Variants in PKIB observed in about 807,000 individuals in gnomAD.
PKIB encodes PKI-beta.
A neutral mutation model predicts 4.5 loss-of-function variants in PKIB; 2 were observed. The ratio of observed to expected loss-of-function variants is 0.44; its 90% confidence interval spans 0.18 to 1.39. The LOEUF is 1.39. PKIB is among the 40% of genes most tolerant of loss of function. PKIB has a pLI of 0.27. For synonymous variants in PKIB, 38 were observed against 36.0 expected (o/e 1.06, Z -0.20); for missense variants, 94 against 92.6 (o/e 1.02, Z -0.06).
chr6:122,520,924 G>T (rs6902229), intron 2 of PKIB, among the ~76,000 whole-genome samples: 1 of 152,180 alleles, frequency 6.6e-6, no homozygotes, highest in East Asian at 1.9e-4. Flanking sequence ...CCTGCAAAAA[G>T]TTGTTGAAAT....
intron 2 of PKIB, among the ~76,000 whole-genome samples, chr6:122,645,052 CTGTT>C (rs1196997260): frequency 6.6e-6 from 1 of 152,110 alleles, no homozygotes; most frequent in Non-Finnish European, 1.5e-5. Flanking sequence ...AGATGGCAGA[CTGTT>C]TGGAAAGCTG....
chr6:122,539,792 C>T (rs1445356800), intron 2 of PKIB, among the ~76,000 whole-genome samples: 3 of 152,012 alleles, frequency 2.0e-5, no homozygotes, highest in Non-Finnish European at 4.4e-5. Context: ...TAGAATTCGG[C>T]TGTGAATCCA....
chr6:122,503,439 A>G (rs1776305056), intron 2 of PKIB, among the ~76,000 whole-genome samples: 1 of 152,234 alleles, frequency 6.6e-6, no homozygotes, highest in Non-Finnish European at 1.5e-5. Flanking sequence ...TTAAAACTCA[A>G]TTCAAACTGG....
chr6:122,619,047 T>G (rs1463194249), intron 1 of PKIB, among the ~76,000 whole-genome samples: 3 of 152,170 alleles, frequency 2.0e-5, no homozygotes, highest in Non-Finnish European at 4.4e-5. Context: ...TTTTTAGTTA[T>G]TTTTATGAAT....
intron 3 of PKIB, among the ~76,000 whole-genome samples, chr6:122,701,992 A>C (rs1226749035): frequency 1.3e-5 from 2 of 152,176 alleles, no homozygotes; most frequent in Non-Finnish European, 2.9e-5. Flanking sequence ...TAACCAGAAT[A>C]AGACTTGGAT....
At chr6:122,679,993 C>T (rs1315645377) in intron 3 of PKIB, among the ~76,000 whole-genome samples, 1 of 152,176 alleles carries the variant, frequency 6.6e-6, no homozygotes, top group Non-Finnish European at 1.5e-5. Flanking sequence ...TAGCACTCTG[C>T]TTTCTTTTTT....
At chr6:122,651,309 T>C (rs1776544658) in intron 2 of PKIB, among the ~76,000 whole-genome samples, 1 of 152,252 alleles carries the variant, frequency 6.6e-6, no homozygotes, top group African/African-American at 2.4e-5. Context: ...TCGTTTGGTA[T>C]GTAGCACACT....
At chr6:122,651,505 C>T (rs1776552219) in intron 2 of PKIB, among the ~76,000 whole-genome samples, 1 of 152,180 alleles carries the variant, frequency 6.6e-6, no homozygotes, top group South Asian at 2.1e-4. Flanking sequence ...TAACCTCAGA[C>T]AGGGGTGAAA....
intron 2 of PKIB, among the ~76,000 whole-genome samples, chr6:122,637,929 C>T (rs1019659170): frequency 2.0e-5 from 3 of 152,054 alleles, no homozygotes; most frequent in Non-Finnish European, 2.9e-5. Flanking sequence ...AATTCTTATA[C>T]GTGCCAAGGC....
chr6:122,650,858 T>C (rs1168598753), intron 2 of PKIB, among the ~76,000 whole-genome samples: 1 of 152,210 alleles, frequency 6.6e-6, no homozygotes, highest in Non-Finnish European at 1.5e-5. Context: ...TTTGGATAAC[T>C]TCCTCTTCAG....
chr6:122,560,878 A>C (rs1396286512), intron 2 of PKIB, among the ~76,000 whole-genome samples: 1 of 151,950 alleles, frequency 6.6e-6, no homozygotes, highest in Non-Finnish European at 1.5e-5. Context: ...CAGTGGTGTC[A>C]GTTGTAATGT....
intron 2 of PKIB, among the ~76,000 whole-genome samples, chr6:122,582,704 T>C (rs186850428): frequency 4.3e-4 from 66 of 152,200 alleles, no homozygotes; most frequent in African/African-American, 1.6e-3. Context: ...TTTGTACTGC[T>C]TGTGATAAAG....
chr6:122,485,509 A>C (rs1775741413), intron 2 of PKIB, among the ~76,000 whole-genome samples: 1 of 152,180 alleles, frequency 6.6e-6, no homozygotes, highest in African/African-American at 2.4e-5. Flanking sequence ...AACAACATTA[A>C]ATTTTCTGGA....
intron 2 of PKIB, among the ~76,000 whole-genome samples, chr6:122,651,517 G>C (rs778439898): frequency 2.6e-5 from 4 of 152,140 alleles, no homozygotes; most frequent in Non-Finnish European, 4.4e-5. Context: ...GGGGTGAAAA[G>C]ATTTTTCTAT....
intron 2 of PKIB, among the ~76,000 whole-genome samples, chr6:122,523,841 A>C (rs12201575): frequency 0.12 from 18,850 of 151,678 alleles, 1,311 homozygotes; most frequent in East Asian, 0.21. Flanking sequence ...GCCATGTAAG[A>C]TGTGCCTTTG....
chr6:122,501,203 A>G (rs1422457050), intron 2 of PKIB, among the ~76,000 whole-genome samples: 3 of 152,208 alleles, frequency 2.0e-5, no homozygotes, highest in Non-Finnish European at 4.4e-5. Flanking sequence ...GTCCAACTCC[A>G]AAGTCTCATT....
chr6:122,717,195 C>A (rs1200815682), intron 3 of PKIB, among the ~76,000 whole-genome samples: 3 of 73,710 alleles, frequency 4.1e-5, no homozygotes, highest in Admixed American at 1.8e-4. Flanking sequence ...GGTAAAAAAA[C>A]CTAAAATAGG....
At chr6:122,580,197 T>C (rs1306381898) in intron 2 of PKIB, among the ~76,000 whole-genome samples, 1 of 149,652 alleles carries the variant, frequency 6.7e-6, no homozygotes, top group Non-Finnish European at 1.5e-5. Flanking sequence ...TTCAAACATA[T>C]TTGCTTGAGG....
rs186523459 is a variant in PKIB at position 122,566,050 on chromosome 6, C to T, written c.-247-19871C>T. On this transcript the variant is annotated intron_variant, in intron 2 of 6. Coordinates refer to the PKIB transcript ENST00000392491. ...AGTTTACTACCCCCAATGGAAGAAG[C>T]TATCTTTTTTTTTTCAAGTACTGAG... 2.3e-3 allele frequency among the ~76,000 whole-genome samples: 338 copies of T among 146,060 alleles called. 8 individuals carry two copies. The East Asian group carries it at 0.045, about 20-fold the overall frequency.
Sources: allele counts gnomAD v4.1 joint callset (sites outside exome capture counted in the v4.1 genomes callset), GRCh38; gene constraint gnomAD v4.1.1; transcripts MANE v1.5; gene names NCBI Gene and HGNC (gene_info 2026-07-23, HGNC 2026-07-21).